The following ARHGAP24 variants were observed in gnomAD, a reference collection of about 807,000 sequenced individuals.
ARHGAP24 encodes rho GTPase-activating protein 24.
ARHGAP24 carries 50 observed loss-of-function variants against 76.4 expected under a neutral mutation model. The observed-to-expected ratio is 0.65, with a 90% CI of 0.52 to 0.83. The LOEUF (loss-of-function observed/expected upper bound fraction) is 0.83. Ranked by LOEUF, ARHGAP24 falls within the 40% of genes least tolerant of loss-of-function variation. The probability of loss-of-function intolerance (pLI) is 0.00; values close to 1 mark genes in which losing one functional copy is unlikely to be tolerated. For synonymous variants in ARHGAP24, 345 were observed against 323.3 expected, an observed-to-expected ratio of 1.07 and a Z score of -0.72; for missense variants, 930 against 914.2, an observed-to-expected ratio of 1.02 and a Z score of -0.22.
intron 5 of ARHGAP24, among the ~76,000 whole-genome samples, chr4:85,962,323 TTATC>T (rs1738306867): frequency 6.6e-6 from 1 of 152,034 alleles, no homozygotes; most frequent in Non-Finnish European, 1.5e-5. Flanking sequence ...TCAAAACTCA[TTATC>T]TATAGAATCT....
chr4:85,839,370 A>T (rs751934214), intron 3 of ARHGAP24, among the ~76,000 whole-genome samples: 5 of 152,182 alleles, frequency 3.3e-5, no homozygotes, highest in Non-Finnish European at 5.9e-5. Flanking sequence ...TTGAATTCTT[A>T]ATAACTGTTT....
chr4:85,916,633 T>C (rs1161087094), intron 3 of ARHGAP24, among the ~76,000 whole-genome samples: 2 of 152,182 alleles, frequency 1.3e-5, no homozygotes, highest in Admixed American at 6.5e-5. Flanking sequence ...AAATGGATAG[T>C]AGAACAGTCT....
intron 1 of ARHGAP24, among the ~76,000 whole-genome samples, chr4:85,568,702 T>C (rs1353716068): frequency 6.6e-6 from 1 of 152,132 alleles, no homozygotes; most frequent in Non-Finnish European, 1.5e-5. Flanking sequence ...GTGGTTATGG[T>C]CATGGAATGC....
At chr4:85,765,178 A>C in intron 3 of ARHGAP24, among the ~76,000 whole-genome samples, 1 of 152,180 alleles carries the variant, frequency 6.6e-6, no homozygotes. Context: ...CTACAAAAAA[A>C]GGTGTGTTTT....
At chr4:85,695,769 C>T (rs569126031) in intron 2 of ARHGAP24, among the ~76,000 whole-genome samples, 51 of 152,188 alleles carry the variant, frequency 3.4e-4, no homozygotes, top group African/African-American at 1.1e-3. Context: ...TTAATTTCCT[C>T]TTAGTTGAAT....
chr4:85,963,260 C>G (rs1213978985), intron 5 of ARHGAP24, among the ~76,000 whole-genome samples: 3 of 151,964 alleles, frequency 2.0e-5, no homozygotes, highest in Non-Finnish European at 1.5e-5. Flanking sequence ...TTGGGAAATA[C>G]TAGTGTCATT....
At chr4:85,752,951 A>T (rs1297903691) in intron 3 of ARHGAP24, among the ~76,000 whole-genome samples, 1 of 152,210 alleles carries the variant, frequency 6.6e-6, no homozygotes, top group African/African-American at 2.4e-5. Context: ...ATAGCCAGGG[A>T]TAAGGCAGTG....
At chr4:85,521,185 A>G (rs1008927641) in intron 1 of ARHGAP24, among the ~76,000 whole-genome samples, 1 of 152,070 alleles carries the variant, frequency 6.6e-6, no homozygotes, top group East Asian at 1.9e-4. Context: ...GCCCCAATAC[A>G]CTGACTCTTG....
chr4:85,695,201 G>T (rs796341496), intron 2 of ARHGAP24, among the ~76,000 whole-genome samples: 1 of 152,108 alleles, frequency 6.6e-6, no homozygotes, highest in African/African-American at 2.4e-5. Context: ...TAATGTTTTG[G>T]TTCCTGCATT....
intron 2 of ARHGAP24, among the ~76,000 whole-genome samples, chr4:85,666,340 T>A (rs1042480393): frequency 2.6e-5 from 4 of 152,236 alleles, no homozygotes; most frequent in Admixed American, 1.3e-4. Context: ...CTTCACGTAG[T>A]TCTCAAGCTC....
chr4:85,698,443 C>A (rs1723949786), intron 2 of ARHGAP24, among the ~76,000 whole-genome samples: 3 of 152,130 alleles, frequency 2.0e-5, no homozygotes, highest in Admixed American at 2.0e-4. Context: ...ATGTTAAATG[C>A]CTCAACATTT....
intron 5 of ARHGAP24, among the ~76,000 whole-genome samples, chr4:85,949,417 C>G (rs1737471807): frequency 6.6e-6 from 1 of 152,190 alleles, no homozygotes; most frequent in South Asian, 2.1e-4. Context: ...CTCTGTTCCA[C>G]TTGGTGTTGG....
chr4:85,764,954 A>G (rs952485676), intron 3 of ARHGAP24, among the ~76,000 whole-genome samples: 2 of 152,158 alleles, frequency 1.3e-5, no homozygotes, highest in Non-Finnish European at 2.9e-5. Flanking sequence ...TATCATAGAG[A>G]AGATCTAGAG....
chr4:85,835,576 G>A (rs538234616), intron 3 of ARHGAP24, among the ~76,000 whole-genome samples: 3 of 150,670 alleles, frequency 2.0e-5, no homozygotes, highest in Admixed American at 1.3e-4. Context: ...AAAAAAGCAC[G>A]GTTTGTTTCA....
chr4:85,562,317 A>G (rs1726629727), intron 1 of ARHGAP24, among the ~76,000 whole-genome samples: 1 of 152,210 alleles, frequency 6.6e-6, no homozygotes, highest in Non-Finnish European at 1.5e-5. Flanking sequence ...TATGATAGTA[A>G]TCAAGGAAAG....
intron 2 of ARHGAP24, among the ~76,000 whole-genome samples, chr4:85,639,261 G>A (rs193092245): frequency 2.0e-5 from 3 of 152,138 alleles, no homozygotes; most frequent in Non-Finnish European, 1.5e-5. Context: ...ATAGTTCAGT[G>A]TTATTATCTA....
intron 3 of ARHGAP24, among the ~76,000 whole-genome samples, chr4:85,829,275 T>C (rs1024489041): frequency 1.3e-5 from 2 of 152,188 alleles, no homozygotes; most frequent in African/African-American, 4.8e-5. Flanking sequence ...GTAAAATAAA[T>C]TTTATTAAAA....
chr4:85,971,196 G>A (rs985716119), intron 5 of ARHGAP24, among the ~76,000 whole-genome samples: 4 of 152,058 alleles, frequency 2.6e-5, no homozygotes, highest in African/African-American at 7.3e-5. Context: ...AGCATGTCAC[G>A]CTAAGCTTCG....
intron 8 of ARHGAP24, among the ~76,000 whole-genome samples, chr4:85,978,126 G>GTT (rs1339604708): frequency 6.6e-6 from 1 of 152,140 alleles, no homozygotes; most frequent in East Asian, 1.9e-4. Flanking sequence ...TTATTTGTAG[G>GTT]TTAAAACATG....
Sources: allele counts gnomAD v4.1 joint callset (sites outside exome capture counted in the v4.1 genomes callset), GRCh38; gene constraint gnomAD v4.1.1; transcripts MANE v1.5; gene names NCBI Gene and HGNC (gene_info 2026-07-23, HGNC 2026-07-21).